MARCO: variants seen among roughly 807,000 people sequenced by gnomAD.
MARCO encodes the protein macrophage receptor MARCO.
Under a neutral mutation model 70.0 loss-of-function variants are expected in MARCO, and 72 were observed. That is an observed-to-expected ratio of 1.03 (90% CI 0.85 to 1.25). The LOEUF is 1.25. MARCO is among the 50% of genes most tolerant of loss of function. MARCO has a pLI of 0.00. For missense variants in MARCO, 696 were observed against 659.3 expected, an observed-to-expected ratio of 1.06 and a Z score of -0.61; for synonymous variants, 273 against 243.1, an observed-to-expected ratio of 1.12 and a Z score of -1.14.
At chr2:118,954,199 C>G (rs1558830390) in intron 1 of MARCO, among the ~76,000 whole-genome samples, 1 of 152,164 alleles carries the variant, frequency 6.6e-6, no homozygotes, top group Admixed American at 6.5e-5. Flanking sequence ...TCCCCCTCCC[C>G]CTGGAAACAC....
intron 16 of MARCO, 133 bp downstream of exon 16, chr2:118,993,433 C>A (rs1425945698): frequency 3.6e-6 from 3 of 835,840 alleles, no homozygotes; most frequent in East Asian, 5.2e-5. Flanking sequence ...AACCAAAAAG[C>A]TCTGCAGTGC....
rs144321541 is a variant in MARCO, at chr2:118,968,752, T to C, written c.98-408T>C. Among the ~76,000 whole-genome samples the C allele has an allele frequency of 2.3e-4, 35 of 152,362 alleles. No individual in the cohort carries two copies. The East Asian group carries it at 6.5e-3, about 28-fold the overall frequency. On this transcript the variant is annotated intron_variant, in intron 1 of 16. Transcript: ENST00000327097. ...GTTATTTAATTTCTCCAAGTCTCACTACTTGTTTGCCAAATGGGAACAACC... is the reference window on the plus strand; with the variant it reads ...GTTATTTAATTTCTCCAAGTCTCACCACTTGTTTGCCAAATGGGAACAACC...
intron 1 of MARCO, 32 bp downstream of exon 1, chr2:118,942,429 C>A: frequency 6.7e-7 from 1 of 1,499,200 alleles, no homozygotes; most frequent in Non-Finnish European, 9.3e-7. Context: ...ATGGAAATGA[C>A]CAGAAATGTA....
At chr2:118,950,667 C>T (rs1473561871) in intron 1 of MARCO, among the ~76,000 whole-genome samples, 2 of 152,190 alleles carry the variant, frequency 1.3e-5, no homozygotes, top group Non-Finnish European at 2.9e-5. Flanking sequence ...ACAACTTTTA[C>T]AGACAATTCT....
At chr2:118,942,452 G>A in intron 1 of MARCO, 55 bp downstream of exon 1, 1 of 1,375,744 alleles carries the variant, frequency 7.3e-7, no homozygotes, top group Non-Finnish European at 1.0e-6. Flanking sequence ...CTTTCTGCTA[G>A]CGAGATACGA....
rs566396532 is a variant in MARCO, at chr2:118,985,506, A to C, written c.1063+3096A>C. ...GGAAATTCTTCCCATTCTGGTGGGA[A>C]GATAACCTCCACAGTTTATTAAGCA... On this transcript the variant is annotated intron_variant, in intron 12 of 16. Coordinates refer to ENST00000327097, the MANE Select transcript of MARCO (RefSeq NM_006770.4). Among the ~76,000 whole-genome samples, 26 of 152,300 alleles carry C rather than the reference A, an allele frequency of 1.7e-4. No homozygotes were observed. In the East Asian group the frequency reaches 4.8e-3, roughly 28 times the overall value.
In MARCO at chr2:118,986,668, GGAAGGAAAGAAA is replaced by G. The variant is rs1476956331; in HGVS notation, c.1064-3917_1064-3906del. On this transcript the variant is annotated intron_variant, in intron 12 of 16. Transcript: ENST00000327097. ...AAGAAAGAAAGAAGGAAGGAAGGAA[GGAAGGAAAGAAA>G]GAAAGAAAGAAAGAAAGAAAGAAAG... is the stretch of plus-strand genomic sequence containing the variant. 7.5e-3 allele frequency among the ~76,000 whole-genome samples: 361 copies of G among 48,456 alleles called. 29 individuals carry two copies. The highest frequency in any genetic ancestry group is 0.01 in the Middle Eastern group (1 of 100). The allele number at this position is 48,456 out of a possible 152,430, so 31.8% of individuals were successfully genotyped here.
chr2:118,968,841 T>C (rs564306107), intron 1 of MARCO, among the ~76,000 whole-genome samples: 33 of 152,302 alleles, frequency 2.2e-4, no homozygotes, highest in Non-Finnish European at 3.7e-4. Flanking sequence ...CAAACAGAGA[T>C]TGAGAACCCA....
intron 8 of MARCO, among the ~76,000 whole-genome samples, chr2:118,980,243 G>T (rs1017249542): frequency 6.6e-6 from 1 of 152,214 alleles, no homozygotes; most frequent in Non-Finnish European, 1.5e-5. Flanking sequence ...ACTCTGAACG[G>T]CCAAGAACAG....
At chr2:118,974,764 C>T (rs1408879848) in intron 6 of MARCO, among the ~76,000 whole-genome samples, 199 bp downstream of exon 6, 7 of 152,144 alleles carry the variant, frequency 4.6e-5, no homozygotes, top group African/African-American at 7.2e-5. Flanking sequence ...GCTGGGCAGC[C>T]GCCCTCAGGG....
At chr2:118,986,739 AG>A (rs1680524320) in intron 12 of MARCO, among the ~76,000 whole-genome samples, 5 of 127,214 alleles carry the variant, frequency 3.9e-5, no homozygotes, top group Admixed American at 7.3e-5. Flanking sequence ...AGAAAGAAAG[AG>A]AAAGAAAGAG....
rs752880003 is a variant in MARCO at position 118,993,318 on chromosome 2, C to T, written c.1429+18C>T. On this transcript the variant is annotated intron_variant, in intron 16 of 16. Coordinates refer to ENST00000327097, the MANE Select transcript of MARCO (RefSeq NM_006770.4). ...GGGAGCTGGTAAGTGAGTCATCAGC[C>T]GGGGGCCTCTTCCCCAGAGGTGTGG... The T allele has an allele frequency of 4.6e-5, 74 of 1,612,692 alleles. No individual in the cohort carries two copies. The highest frequency in any genetic ancestry group is 6.7e-5 in the Admixed American group (4 of 59,952).
intron 1 of MARCO, among the ~76,000 whole-genome samples, chr2:118,947,541 A>G (rs746981275): frequency 6.6e-6 from 1 of 152,086 alleles, no homozygotes; most frequent in African/African-American, 2.4e-5. Context: ...CATATGTTTC[A>G]TTTTGTTGAC....
Position 118,974,711 on chromosome 2 carries a change from G to T in MARCO, c.613+146G>T, listed in dbSNP as rs72960656. ...GAGGCCTGGTGGGAGACCCCAGAGGGGATGAGAGGCTGGGAAGCACCCTTT... is the reference window on the plus strand; with the variant it reads ...GAGGCCTGGTGGGAGACCCCAGAGGTGATGAGAGGCTGGGAAGCACCCTTT... On this transcript the variant is annotated intron_variant, in intron 6 of 16. Coordinates refer to ENST00000327097, the MANE Select transcript of MARCO (RefSeq NM_006770.4). 3,501 of 817,444 alleles carry T rather than the reference G, an allele frequency of 4.3e-3. 91 individuals are homozygous for T. The African/African-American group carries it at 0.053, about 12-fold the overall frequency. The allele number at this position is 817,444 out of a possible 1,614,324, so 50.6% of individuals were successfully genotyped here. A position where few individuals can be genotyped will look rare whatever the true frequency, so the allele number is the denominator to read the frequency against.
intron 9 of MARCO, 41 bp from the exon 10 acceptor site, chr2:118,981,580 C>G (rs1358229536): frequency 1.3e-6 from 2 of 1,597,760 alleles, no homozygotes; most frequent in African/African-American, 1.4e-5. Context: ...CTGGCTGAGC[C>G]AAAGGAAAAA....
rs1680139785 is a variant in MARCO, at chr2:118,970,276, C to T, written c.362C>T (p.Thr121Ile). Reference sequence around the variant, plus strand: ...CTGCAAGTCCTGCAGGCCCAACTCACCTGGGTCCGCGTCAGCCATGAGCAC... The same window carrying T: ...CTGCAAGTCCTGCAGGCCCAACTCATCTGGGTCCGCGTCAGCCATGAGCAC... ...SRLQVLQAQLTWVRVSHEHLL... is the reference protein window; with the variant it reads ...SRLQVLQAQLIWVRVSHEHLL... The change falls in exon 3 of 17, where the codon ACC becomes ATC. Residue 121 changes from threonine to isoleucine, a missense_variant. Transcript: ENST00000327097. 1.7e-5 allele frequency: 27 copies of T among 1,614,118 alleles called. No homozygotes were observed. The highest frequency in any genetic ancestry group is 2.2e-5 in the Non-Finnish European group (26 of 1,180,040).
intron 3 of MARCO, 138 bp from the exon 4 acceptor site, chr2:118,971,361 G>T (rs1264633998): frequency 2.4e-6 from 2 of 836,872 alleles, no homozygotes; most frequent in Admixed American, 2.2e-5. Context: ...GGCTCCTGTT[G>T]TCCAAACCCC....
chr2:118,957,112 C>A (rs897672740), intron 1 of MARCO, among the ~76,000 whole-genome samples: 8 of 151,754 alleles, frequency 5.3e-5, no homozygotes, highest in Admixed American at 3.3e-4. Flanking sequence ...AAACGCAAAC[C>A]CAGCAGAAGA....
intron 3 of MARCO, among the ~76,000 whole-genome samples, chr2:118,970,811 GC>G (rs926676691): frequency 6.6e-6 from 1 of 152,192 alleles, no homozygotes; most frequent in African/African-American, 2.4e-5. Context: ...CTCTCAGCCT[GC>G]CCCAAAATGG....
Sources: gnomAD v4.1 joint callset for allele counts (sites outside exome capture counted in the v4.1 genomes callset) on GRCh38, gnomAD v4.1.1 for gene constraint, MANE v1.5 for transcripts, NCBI Gene and HGNC (gene_info 2026-07-23, HGNC 2026-07-21) for gene names.